The following PELI3 variants were observed in gnomAD, a reference collection of about 807,000 sequenced individuals.
PELI3 encodes pellino E3 ubiquitin protein ligase family member 3.
Under a neutral mutation model 35.5 loss-of-function variants are expected in PELI3, and 19 were observed. That is an observed-to-expected ratio of 0.54 (90% CI 0.37 to 0.79). The LOEUF (loss-of-function observed/expected upper bound fraction) is 0.79. PELI3 is among the 30% of genes least tolerant of loss of function. The pLI is 0.00. For synonymous variants in PELI3, 262 were observed against 279.2 expected, an observed-to-expected ratio of 0.94 and a Z score of 0.62; for missense variants, 490 against 661.2, an observed-to-expected ratio of 0.74 and a Z score of 2.84.
At position 66,476,109 on chromosome 11, in the gene PELI3, C is replaced by T. The variant is rs1419424864; in HGVS notation, c.1352C>T (p.Ala451Val). Residue 451 changes from alanine to valine, a missense_variant, in exon 8 of 8, where the codon GCC (alanine) becomes GTC (valine). Ala to Val is a moderately conservative substitution (Grantham distance 64). Transcript: ENST00000320740. ...AFHAACPFCG[A>V]WLTGEHGCVR... is the part of the protein sequence containing the mutation. ...CATGCCGCCTGCCCCTTTTGCGGGG[C>T]CTGGCTTACCGGCGAGCATGGCTGC... is the stretch of plus-strand genomic sequence containing the variant. 19 of 1,597,518 alleles carry T rather than the reference C, an allele frequency of 1.2e-5. No individual in the cohort carries two copies. The highest frequency in any genetic ancestry group is 2.3e-5 in the East Asian group (1 of 44,340).
chr11:66,468,947 C>A, intron 3 of PELI3, 43 bp downstream of exon 3: 1 of 714,076 alleles, frequency 1.4e-6, no homozygotes, highest in South Asian at 1.5e-5. Flanking sequence ...CTTTCTTACT[C>A]TAGGTCTAGT....
intron 1 of PELI3, 29 bp from the exon 2 acceptor site, chr11:66,468,099 A>G: frequency 1.9e-6 from 3 of 1,570,700 alleles, no homozygotes; most frequent in Non-Finnish European, 2.6e-6. Flanking sequence ...GGGAACCTAC[A>G]AAGCTCTTTT....
Position 66,472,799 on chromosome 11 carries a change from G to A in PELI3, c.456+329G>A, listed in dbSNP as rs113395351. Among the ~76,000 whole-genome samples, 1,463 of 152,248 alleles carry A rather than the reference G, an allele frequency of 9.6e-3. 27 individuals carry two copies. The highest frequency in any genetic ancestry group is 0.033 in the African/African-American group (1,357 of 41,526). On this transcript the variant is annotated intron_variant, in intron 5 of 7. Transcript: ENST00000320740. ...GCATCACTTAAGTTCTCTGGGCCTTGGTTTACTCATCTGTAAAATGAGGCC... is the reference window on the plus strand; with the variant it reads ...GCATCACTTAAGTTCTCTGGGCCTTAGTTTACTCATCTGTAAAATGAGGCC...
At chr11:66,468,616 T>A in intron 2 of PELI3, among the ~76,000 whole-genome samples, 1 of 152,264 alleles carries the variant, frequency 6.6e-6, no homozygotes, top group East Asian at 1.9e-4. Flanking sequence ...GTTCAAATCC[T>A]GCCTCTGCAA....
chr11:66,475,883 G>C lies in PELI3; in HGVS notation c.1126G>C (p.Glu376Gln). Residue 376 changes from glutamate to glutamine, a missense_variant, in exon 8 of 8, where the codon GAG (glutamate) becomes CAG (glutamine). By Grantham distance (29) the Glu-to-Gln change is conservative. Around this residue, in one of 3 missense-constraint regions of PELI3, gnomAD observed 349 missense variants for 484.8 expected, o/e 0.72. Transcript: ENST00000320740. ...HGYHGWGCRR[E>Q]RGPQERECPL... is the part of the protein sequence containing the mutation. ...CTACCACGGCTGGGGCTGCCGGCGG[G>C]AGCGGGGCCCCCAGGAGCGCGAATG... is the stretch of plus-strand genomic sequence containing the variant. 1 of 1,607,048 alleles carries C rather than the reference G, an allele frequency of 6.2e-7. No individual in the cohort carries two copies. Among genetic ancestry groups the C allele is most frequent in the Non-Finnish European group, 8.5e-7 (1 of 1,177,666 alleles).
intron 5 of PELI3, 88 bp downstream of exon 5, chr11:66,472,558 A>G: frequency 9.0e-7 from 1 of 1,105,132 alleles, no homozygotes; most frequent in Non-Finnish European, 1.4e-6. Context: ...TTGGGAGGCC[A>G]TGGGAAAGCT....
intron 7 of PELI3, chr11:66,474,622 T>C (rs943294660): frequency 2.0e-5 from 3 of 153,452 alleles, no homozygotes; most frequent in African/African-American, 7.2e-5. Context: ...TGGGGAAGCA[T>C]TGTTTGTTAA....
rs1456180361 is a variant in PELI3 at position 66,473,362 on chromosome 11, G to C, written c.578G>C (p.Cys193Ser). Residue 193 changes from cysteine (C) to serine (S), a missense_variant, in exon 6 of 8, where the codon TGT (cysteine) becomes TCT (serine). Physicochemically the swap from Cys to Ser is moderately radical, Grantham distance 112 (BLOSUM62 -1). This residue lies in a region of PELI3 where 349 missense variants were observed against 484.8 expected (regional missense o/e 0.72). Transcript: ENST00000320740. This position sits in a 1 kb window ranked among gnomAD's most constrained non-coding sequence, Gnocchi z 5.8. ...TISRYACRIL[C>S]DRRPPYTARI... is the part of the protein sequence containing the mutation. The stretch of plus-strand genomic sequence containing the variant: ...TCCCGCTATGCCTGCCGCATCCTCT[G>C]TGACCGCCGGCCACCCTATACTGCC... 6.2e-7 allele frequency: 1 copy of C among 1,613,474 alleles called. No individual in the cohort carries two copies. The highest frequency in any genetic ancestry group is 8.5e-7 in the Non-Finnish European group (1 of 1,180,032).
chr11:66,473,149 C>T lies in PELI3; in HGVS notation c.457-92C>T. Reference sequence around the variant, plus strand: ...GCAGCCTCCTTTTTTGGTGACCTTGCATACAGAGCAGCTGCTGGTACTCTG... The same window carrying T: ...GCAGCCTCCTTTTTTGGTGACCTTGTATACAGAGCAGCTGCTGGTACTCTG... On this transcript the variant is annotated intron_variant, in intron 5 of 7. Transcript: ENST00000320740. This position sits in a 1 kb window ranked among gnomAD's most constrained non-coding sequence, Gnocchi z 5.8. The T allele has an allele frequency of 7.6e-7, 1 of 1,308,442 alleles. No individual in the cohort carries two copies. Among genetic ancestry groups the T allele is most frequent in the Non-Finnish European group, 1.0e-6 (1 of 963,794 alleles). 81.1% of individuals were successfully genotyped at this position (1,308,442 alleles called of 1,614,324 possible).
Position 66,476,209 on chromosome 11 carries a change from A to G in PELI3, c.*42A>G, listed in dbSNP as rs1168983351. 1.3e-6 allele frequency: 2 copies of G among 1,506,228 alleles called. No homozygotes were observed. The highest frequency in any genetic ancestry group is 1.8e-6 in the Non-Finnish European group (2 of 1,127,828). The allele number at this position is 1,506,228 out of a possible 1,614,324, so 93.3% of individuals were successfully genotyped here. A position where few individuals can be genotyped will look rare whatever the true frequency, so the allele number is the denominator to read the frequency against. ...TGCTGCTGTGCCCACCTGCCCACCC[A>G]GGTCCCCACCTCCTGCAGCCCAGAG... On this transcript the variant is annotated 3_prime_UTR_variant, in exon 8 of 8. Transcript: ENST00000320740.
In PELI3 at chr11:66,473,252, C is replaced by T. The variant is rs760335429; in HGVS notation, c.468C>T (p.Ser156=). Residue 156 remains serine (S), a synonymous_variant, in exon 6 of 8, where the codon TCC becomes TCT. Transcript: ENST00000320740. The surrounding 1 kb of genome is among the most constrained non-coding windows in gnomAD (Gnocchi z 5.8). ...CCCTGTCCTCACAGATTGGCCGCTC[C>T]ACAGAGAACATGATTGACTTCGTGG... The part of the protein sequence containing the change: ...SDTDMFQIGR[S]TENMIDFVVT... 3 of 1,610,904 alleles carry T rather than the reference C, an allele frequency of 1.9e-6. No individual in the cohort carries two copies. The highest frequency in any genetic ancestry group is 2.5e-6 in the Non-Finnish European group (3 of 1,178,346).
Position 66,473,220 on chromosome 11 carries a change from T to C in PELI3, c.457-21T>C. 6.3e-7 allele frequency: 1 copy of C among 1,591,586 alleles called. No homozygotes were observed. Among genetic ancestry groups the C allele is most frequent in the African/African-American group, 1.3e-5 (1 of 74,696 alleles). The stretch of plus-strand genomic sequence containing the variant: ...TCCCCTATGTACATACAGTCCCTGC[T>C]TGCTCTCCCTGTCCTCACAGATTGG... On this transcript the variant is annotated intron_variant, in intron 5 of 7. Coordinates refer to ENST00000320740, the MANE Select transcript of PELI3 (RefSeq NM_145065.3). This position sits in a 1 kb window ranked among gnomAD's most constrained non-coding sequence, Gnocchi z 5.8.
chr11:66,469,459 C>G (rs1341957238), intron 3 of PELI3, among the ~76,000 whole-genome samples: 2 of 152,184 alleles, frequency 1.3e-5, no homozygotes, highest in Non-Finnish European at 1.5e-5. Context: ...GTGTCCCAAG[C>G]CTGTGTCCTG....
intron 3 of PELI3, among the ~76,000 whole-genome samples, chr11:66,469,133 C>T (rs57691879): frequency 0.25 from 37,706 of 151,892 alleles, 4,980 homozygotes; most frequent in African/African-American, 0.26. Context: ...CCCTCTTCCT[C>T]CTCCCCCATC....
At chr11:66,471,450 G>A in intron 4 of PELI3, 79 bp downstream of exon 4, 1 of 1,547,256 alleles carries the variant, frequency 6.5e-7, no homozygotes, top group African/African-American at 1.4e-5. Flanking sequence ...GGTCCTACCT[G>A]CCCACAGCCC....
rs1032770856 is a variant in PELI3, at chr11:66,473,971, C to G, written c.840+46C>G. ...CCCACCCCTATCCTTGCCAGGCCCT[C>G]ACAAGCTGCCCATCCCCCTGCCCAA... is the stretch of plus-strand genomic sequence containing the variant. On this transcript the variant is annotated intron_variant, in intron 7 of 7. Coordinates refer to ENST00000320740, the MANE Select transcript of PELI3 (RefSeq NM_145065.3). This position sits in a 1 kb window ranked among gnomAD's most constrained non-coding sequence, Gnocchi z 5.8. The G allele has an allele frequency of 3.1e-6, 5 of 1,603,226 alleles. No homozygotes were observed. In the African/African-American group the frequency reaches 5.3e-5, roughly 17 times the overall value.
chr11:66,468,368 T>C (rs1033120895), intron 2 of PELI3, 88 bp downstream of exon 2: 9 of 1,299,202 alleles, frequency 6.9e-6, no homozygotes, highest in African/African-American at 3.1e-5. Context: ...TCCCCCCACA[T>C]AGGGCCTTCA....
chr11:66,471,645 T>G (rs1470693626), intron 4 of PELI3, among the ~76,000 whole-genome samples: 1 of 151,546 alleles, frequency 6.6e-6, no homozygotes, highest in African/African-American at 2.4e-5. Context: ...TTCCATCCAA[T>G]GGAAATGGAA....
chr11:66,469,156 T>G (rs1458196882), intron 3 of PELI3, among the ~76,000 whole-genome samples: 5 of 152,124 alleles, frequency 3.3e-5, no homozygotes, highest in Non-Finnish European at 5.9e-5. Context: ...GATCTCCTTT[T>G]GGCCTCTCTT....
Sources: allele counts gnomAD v4.1 joint callset (sites outside exome capture counted in the v4.1 genomes callset), GRCh38; gene constraint gnomAD v4.1.1; regional missense constraint gnomAD v4.1.1; non-coding constraint Gnocchi (gnomAD v3.1); transcripts MANE v1.5; gene names NCBI Gene and HGNC (gene_info 2026-07-23, HGNC 2026-07-21).